The following FSTL5 variants were observed in gnomAD, a reference collection of about 807,000 sequenced individuals.
FSTL5 encodes follistatin-related protein 5.
A neutral mutation model predicts 89.1 loss-of-function variants in FSTL5; 62 were observed. The observed-to-expected ratio is 0.70, with a 90% CI of 0.57 to 0.86. The LOEUF (loss-of-function observed/expected upper bound fraction) is 0.86, where lower values mean the gene tolerates loss of function less well. FSTL5 is among the 40% of genes least tolerant of loss of function. The pLI is 0.00. For synonymous variants in FSTL5, 383 were observed against 346.2 expected, an observed-to-expected ratio of 1.11 and a Z score of -1.18; for missense variants, 1,057 against 1,001.6, an observed-to-expected ratio of 1.06 and a Z score of -0.75.
chr4:161,712,838 C>G (rs1276128141), intron 6 of FSTL5, among the ~76,000 whole-genome samples: 1 of 151,954 alleles, frequency 6.6e-6, no homozygotes, highest in African/African-American at 2.4e-5. Context: ...GACCCCTCAC[C>G]CCCCTCTCTC....
chr4:161,550,654 A>G lies in FSTL5; in HGVS notation c.1016-7961T>C, dbSNP rs1254961229. ...TTGTGCAGGTTAGTTACATATGTTT[A>G]CATGTGCCATGCTGGTGCGCTGCAC... On this transcript the variant is annotated intron_variant, in intron 8 of 15. Coordinates refer to ENST00000306100, the MANE Select transcript of FSTL5 (RefSeq NM_020116.5). 4.6e-5 allele frequency among the ~76,000 whole-genome samples: 7 copies of G among 151,424 alleles called. No homozygotes were observed. The East Asian group carries it at 1.4e-3, about 30-fold the overall frequency.
intron 2 of FSTL5, among the ~76,000 whole-genome samples, chr4:162,082,436 C>T (rs750406404): frequency 6.6e-5 from 10 of 151,338 alleles, no homozygotes; most frequent in Non-Finnish European, 1.2e-4. Flanking sequence ...GATTTATTTA[C>T]CTGTTCAATT....
At chr4:161,523,737 T>G (rs1731111474) in intron 10 of FSTL5, among the ~76,000 whole-genome samples, 1 of 152,178 alleles carries the variant, frequency 6.6e-6, no homozygotes, top group Non-Finnish European at 1.5e-5. Context: ...CAAGACAATT[T>G]GTCTTATAAA....
In FSTL5 at chr4:161,385,642, G is replaced by A; in HGVS notation, c.*105C>T. 1.2e-6 allele frequency: 1 copy of A among 827,258 alleles called. No homozygotes were observed. The highest frequency in any genetic ancestry group is 1.9e-6 in the Non-Finnish European group (1 of 528,338). 51.2% of individuals were successfully genotyped at this position (827,258 alleles called of 1,614,324 possible). On this transcript the variant is annotated 3_prime_UTR_variant, in exon 16 of 16. Coordinates refer to ENST00000306100, the MANE Select transcript of FSTL5 (RefSeq NM_020116.5). Reference sequence around the variant, plus strand: ...TATTTGGACCAACCAAGTAAATTTTGTTTGACTAGGATATAAACTTGGAAA... The same window carrying A: ...TATTTGGACCAACCAAGTAAATTTTATTTGACTAGGATATAAACTTGGAAA...
intron 3 of FSTL5, among the ~76,000 whole-genome samples, chr4:162,011,328 C>A (rs556118482): frequency 6.6e-6 from 1 of 152,166 alleles, no homozygotes; most frequent in South Asian, 2.1e-4. Flanking sequence ...AATTGGCCCC[C>A]ACTCCCAAGA....
At chr4:162,047,297 G>T (rs878894615) in intron 2 of FSTL5, 7 of 151,482 alleles carry the variant, frequency 4.6e-5, no homozygotes, top group Non-Finnish European at 7.4e-5. Flanking sequence ...AAATAATAAT[G>T]ATAAGATGAA....
At chr4:161,993,121 A>AT (rs1315239608) in intron 3 of FSTL5, among the ~76,000 whole-genome samples, 1 of 150,932 alleles carries the variant, frequency 6.6e-6, no homozygotes, top group Non-Finnish European at 1.5e-5. Context: ...GTAAACAAGG[A>AT]TTTTTAAAAA....
At chr4:161,911,985 T>C (rs1448470438) in intron 4 of FSTL5, among the ~76,000 whole-genome samples, 1 of 152,156 alleles carries the variant, frequency 6.6e-6, no homozygotes, top group Non-Finnish European at 1.5e-5. Context: ...TTTCCTATGC[T>C]CTGTGAAATA....
intron 4 of FSTL5, among the ~76,000 whole-genome samples, chr4:161,841,111 T>C (rs897641271): frequency 2.6e-5 from 4 of 152,166 alleles, no homozygotes; most frequent in South Asian, 2.1e-4. Context: ...AGGCCTAAAA[T>C]TGAGAATGGG....
intron 4 of FSTL5, among the ~76,000 whole-genome samples, chr4:161,894,151 A>G (rs1733079237): frequency 6.6e-6 from 1 of 152,188 alleles, no homozygotes. Context: ...ATGAGGAAAT[A>G]TAAGTCTTAG....
intron 8 of FSTL5, among the ~76,000 whole-genome samples, chr4:161,563,852 C>G (rs1013557232): frequency 1.3e-5 from 2 of 151,954 alleles, no homozygotes; most frequent in East Asian, 3.9e-4. Flanking sequence ...GAAGTGCCAA[C>G]CTGTTTTGAA....
chr4:162,117,912 T>G (rs1426618415), intron 1 of FSTL5, among the ~76,000 whole-genome samples: 2 of 152,242 alleles, frequency 1.3e-5, no homozygotes, highest in Non-Finnish European at 2.9e-5. Flanking sequence ...TAAGTGATTT[T>G]TATTATTCTT....
intron 7 of FSTL5, among the ~76,000 whole-genome samples, chr4:161,621,267 TACACACACACACACACAC>T (rs146037793): frequency 1.4e-5 from 2 of 146,078 alleles, no homozygotes; most frequent in African/African-American, 2.5e-5. Context: ...ATGTAAAGAC[TACACACACACACACACAC>T]ACACACACAC....
At chr4:161,633,883 G>A (rs1035570000) in intron 7 of FSTL5, among the ~76,000 whole-genome samples, 1 of 152,192 alleles carries the variant, frequency 6.6e-6, no homozygotes, top group Non-Finnish European at 1.5e-5. Context: ...GAGCAGAGAT[G>A]TATGTAATTT....
chr4:161,821,405 GA>G (rs974834939), intron 4 of FSTL5, among the ~76,000 whole-genome samples: 4 of 151,900 alleles, frequency 2.6e-5, no homozygotes, highest in African/African-American at 9.7e-5. Context: ...GTTCTTATTT[GA>G]TTAAAAAAAA....
intron 7 of FSTL5, 68 bp from the exon 8 acceptor site, chr4:161,587,643 A>C (rs990245724): frequency 1.7e-6 from 2 of 1,203,072 alleles, no homozygotes; most frequent in Admixed American, 4.3e-5. Context: ...AATTTTTAAA[A>C]GGTGTATTCA....
chr4:161,730,474 AT>A (rs1739570120), intron 6 of FSTL5, among the ~76,000 whole-genome samples: 1 of 151,598 alleles, frequency 6.6e-6, no homozygotes, highest in Non-Finnish European at 1.5e-5. Flanking sequence ...ATTATTTTTA[AT>A]TTTATTTGTT....
At chr4:162,139,491 CACATAT>C (rs1395177740) in intron 1 of FSTL5, among the ~76,000 whole-genome samples, 2 of 151,898 alleles carry the variant, frequency 1.3e-5, no homozygotes, top group Admixed American at 6.6e-5. Flanking sequence ...CATACACATA[CACATAT>C]ACACCACATT....
chr4:161,535,150 A>G (rs1262110795), intron 10 of FSTL5, among the ~76,000 whole-genome samples: 1 of 152,152 alleles, frequency 6.6e-6, no homozygotes, highest in Non-Finnish European at 1.5e-5. Flanking sequence ...ACCCTTCTCA[A>G]CATTGGTTTT....
Sources: gnomAD v4.1 joint callset for allele counts (sites outside exome capture counted in the v4.1 genomes callset) on GRCh38, gnomAD v4.1.1 for gene constraint, MANE v1.5 for transcripts, NCBI Gene and HGNC (gene_info 2026-07-23, HGNC 2026-07-21) for gene names.